The following NECTIN3 variants were observed in gnomAD, a reference collection of about 807,000 sequenced individuals.
The protein encoded by NECTIN3 is nectin cell adhesion molecule 3.
NECTIN3 carries 8 observed loss-of-function variants against 49.4 expected under a neutral mutation model. The ratio of observed to expected loss-of-function variants is 0.16; its 90% CI spans 0.10 to 0.29. NECTIN3 has a LOEUF of 0.29. NECTIN3 is among the 10% of genes least tolerant of loss of function. The probability of loss-of-function intolerance (pLI) is 1.00; values close to 1 mark genes in which losing one functional copy is unlikely to be tolerated. For synonymous variants in NECTIN3, 277 were observed against 241.1 expected (o/e 1.15, Z -1.38); for missense variants, 581 against 654.6 (o/e 0.89, Z 1.23).
At chr3:111,100,633 T>C (rs920737992) in intron 1 of NECTIN3, among the ~76,000 whole-genome samples, 2 of 152,126 alleles carry the variant, frequency 1.3e-5, no homozygotes, top group African/African-American at 4.8e-5. Context: ...ATAATTTTTG[T>C]GATATTTTTG....
At chr3:111,081,121 A>C (rs1366925443) in intron 1 of NECTIN3, among the ~76,000 whole-genome samples, 1 of 152,142 alleles carries the variant, frequency 6.6e-6, no homozygotes, top group African/African-American at 2.4e-5. Flanking sequence ...GCCAATAAAT[A>C]AATAAATAAA....
intron 1 of NECTIN3, among the ~76,000 whole-genome samples, chr3:111,105,386 G>T (rs1576106805): frequency 6.6e-6 from 1 of 151,950 alleles, no homozygotes; most frequent in East Asian, 1.9e-4. Context: ...ACCTGCCTCG[G>T]CCTCCCAAAG....
chr3:111,145,859 T>G (rs572585777), intron 6 of NECTIN3, among the ~76,000 whole-genome samples: 2 of 152,338 alleles, frequency 1.3e-5, no homozygotes, highest in African/African-American at 4.8e-5. Context: ...TTTGTATATG[T>G]CTTTGCTTCT....
chr3:111,082,327 A>G (rs946684710), intron 1 of NECTIN3, among the ~76,000 whole-genome samples: 1 of 152,028 alleles, frequency 6.6e-6, no homozygotes, highest in Non-Finnish European at 1.5e-5. Context: ...AATTATCAGG[A>G]TTGAGGTATT....
chr3:111,131,819 C>CCTGAACTGTTCTG (rs1307074709), intron 5 of NECTIN3, among the ~76,000 whole-genome samples: 1 of 151,650 alleles, frequency 6.6e-6, no homozygotes, highest in Non-Finnish European at 1.5e-5. Flanking sequence ...AAAAAACTAG[C>CCTGAACTGTTCTG]ATATAAAGAA....
At chr3:111,125,022 C>CTTTTTTTTTTTTTTTTTTTT (rs869201432) in intron 4 of NECTIN3, among the ~76,000 whole-genome samples, 2 of 90,210 alleles carry the variant, frequency 2.2e-5, no homozygotes, top group Admixed American at 1.3e-4. Context: ...TCTTTTCTTT[C>CTTTTTTTTTTTTTTTTTTTT]TTTTTTTTTT....
At chr3:111,072,328 C>T in intron 1 of NECTIN3, 151 bp downstream of exon 1, 1 of 1,432,284 alleles carries the variant, frequency 7.0e-7, no homozygotes, top group African/African-American at 1.5e-5. Flanking sequence ...CTTTTCGCCG[C>T]GCCCGGGGCG....
At chr3:111,114,929 G>A (rs935744459) in intron 2 of NECTIN3, among the ~76,000 whole-genome samples, 1 of 152,048 alleles carries the variant, frequency 6.6e-6, no homozygotes, top group Non-Finnish European at 1.5e-5. Context: ...AAGTATGCAC[G>A]GATTTGGGTA....
intron 1 of NECTIN3, among the ~76,000 whole-genome samples, chr3:111,076,596 G>A (rs960468075): frequency 1.3e-5 from 2 of 151,966 alleles, no homozygotes; most frequent in Non-Finnish European, 2.9e-5. Context: ...TGTTGAATCT[G>A]TATTCTTTAC....
Position 111,137,138 on chromosome 3 carries a change from G to A in NECTIN3, c.*2923G>A, listed in dbSNP as rs1576153700. 2.1e-6 allele frequency: 2 copies of A among 969,198 alleles called. No homozygotes were observed. Among genetic ancestry groups the A allele is most frequent in the Admixed American group, 1.2e-4 (2 of 16,130 alleles). 60.0% of individuals were successfully genotyped at this position (969,198 alleles called of 1,614,324 possible). A position where few individuals can be genotyped will look rare whatever the true frequency, so the allele number is the denominator to read the frequency against. On this transcript the variant is annotated 3_prime_UTR_variant, in exon 6 of 6. Transcript: ENST00000485303. The stretch of plus-strand genomic sequence containing the variant: ...TGAGAGAAATGTAGTCATTTTATAT[G>A]TGAAAACATCTGATTTGAGTTTTTG...
chr3:111,143,666 A>T (rs1412389120), intron 5 of NECTIN3, among the ~76,000 whole-genome samples: 1 of 151,914 alleles, frequency 6.6e-6, no homozygotes, highest in Non-Finnish European at 1.5e-5. Flanking sequence ...GCAGTTATTT[A>T]AGAGTATATG....
intron 1 of NECTIN3, among the ~76,000 whole-genome samples, chr3:111,101,835 A>G (rs1029320367): frequency 3.3e-5 from 5 of 152,272 alleles, no homozygotes; most frequent in East Asian, 1.9e-4. Flanking sequence ...TCTTTGTGCC[A>G]TTTCAGATTA....
chr3:111,127,274 C>T (rs1214298521), intron 5 of NECTIN3, among the ~76,000 whole-genome samples: 3 of 152,058 alleles, frequency 2.0e-5, no homozygotes, highest in African/African-American at 7.2e-5. Flanking sequence ...ATTCTCAGTC[C>T]TTGTGTGATC....
At chr3:111,141,326 A>G (rs1190468351), downstream of NECTIN3, among the ~76,000 whole-genome samples, 2 of 151,926 alleles carry the variant, frequency 1.3e-5, no homozygotes, top group Non-Finnish European at 2.9e-5. Flanking sequence ...TAAACCTGTG[A>G]TGTCATCACT....
At chr3:111,188,143 T>A (rs945339994), upstream of NECTIN3, among the ~76,000 whole-genome samples, 1 of 152,222 alleles carries the variant, frequency 6.6e-6, no homozygotes, top group Non-Finnish European at 1.5e-5. Flanking sequence ...ATGCAACATT[T>A]CAGGTGGTCT....
Position 111,134,248 on chromosome 3 carries a change from G to A in NECTIN3, c.*33G>A. 5 of 1,533,564 alleles carry A rather than the reference G, an allele frequency of 3.3e-6. No individual in the cohort carries two copies. Among genetic ancestry groups the A allele is most frequent in the Non-Finnish European group, 4.4e-6 (5 of 1,145,326 alleles). 95.0% of individuals were successfully genotyped at this position (1,533,564 alleles called of 1,614,324 possible). ...TGAATGTGACTTAACTATGTACAAT[G>A]TTCATTCACACTAGTTGATCATTTT... On this transcript the variant is annotated 3_prime_UTR_variant, in exon 6 of 6. Transcript: ENST00000485303.
chr3:111,089,000 A>T (rs930406184), intron 1 of NECTIN3, among the ~76,000 whole-genome samples: 7 of 152,112 alleles, frequency 4.6e-5, no homozygotes, highest in Non-Finnish European at 7.4e-5. Flanking sequence ...TTATAGTACT[A>T]GTCAGATTGA....
intron 7 of NECTIN3, among the ~76,000 whole-genome samples, chr3:111,184,279 C>G (rs2035680730): frequency 6.6e-6 from 1 of 152,112 alleles, no homozygotes; most frequent in Admixed American, 6.5e-5. Context: ...TAAAGTTTTT[C>G]TCTGCTAATT....
In NECTIN3 at chr3:111,072,106, T is replaced by A. The variant is rs2030787872; in HGVS notation, c.89T>A (p.Leu30Gln). 1.3e-6 allele frequency: 2 copies of A among 1,549,568 alleles called. No individual in the cohort carries two copies. Among genetic ancestry groups the A allele is most frequent in the Non-Finnish European group, 1.7e-6 (2 of 1,146,196 alleles). ...SSASLLGAGL[L>Q]LQPPTPPPLL... is the part of the protein sequence containing the mutation. Reference sequence around the variant, plus strand: ...GCTTCTCTCCTCGGAGCCGGGCTCCTGCTGCAGCCCCCGACGCCACCTCCG... The same window carrying A: ...GCTTCTCTCCTCGGAGCCGGGCTCCAGCTGCAGCCCCCGACGCCACCTCCG... The change falls in exon 1 of 6, where the codon CTG becomes CAG. Residue 30 changes from leucine to glutamine, a missense_variant. Leu to Gln is a moderately radical substitution (Grantham distance 113). Coordinates refer to ENST00000485303, the MANE Select transcript of NECTIN3 (RefSeq NM_015480.3).
Sources: gnomAD v4.1 joint callset for allele counts (sites outside exome capture counted in the v4.1 genomes callset) on GRCh38, gnomAD v4.1.1 for gene constraint, MANE v1.5 for transcripts, NCBI Gene and HGNC (gene_info 2026-07-23, HGNC 2026-07-21) for gene names.